TBPL2: variants seen among roughly 807,000 people sequenced by gnomAD.
The protein encoded by TBPL2 is TATA-box binding protein like 2, also known as TATA box-binding protein-like 2.
TBPL2 carries 40 observed loss-of-function variants against 38.2 expected under a neutral mutation model. The observed-to-expected ratio is 1.05, with a 90% CI of 0.81 to 1.36. TBPL2 has a LOEUF of 1.36. Among genes scored for constraint, TBPL2 ranks in the 40% most tolerant of loss-of-function variants. The pLI, the probability that TBPL2 is intolerant of heterozygous loss-of-function variation, is 0.00. For synonymous variants in TBPL2, 169 were observed against 171.7 expected (o/e 0.98, Z 0.12); for missense variants, 461 against 456.7 (o/e 1.01, Z -0.09).
chr14:55,420,830 C>T (rs563166040), intron 6 of TBPL2, among the ~76,000 whole-genome samples: 11 of 152,010 alleles, frequency 7.2e-5, no homozygotes, highest in Non-Finnish European at 1.0e-4. Flanking sequence ...GTGGCCGAGG[C>T]GGGTGGATCA....
chr14:55,422,592 C>T (rs1885761279), intron 6 of TBPL2, among the ~76,000 whole-genome samples: 1 of 152,152 alleles, frequency 6.6e-6, no homozygotes, highest in African/African-American at 2.4e-5. Context: ...TGGCTCACAC[C>T]TGTAGTCCCA....
intron 3 of TBPL2, 45 bp downstream of exon 3, chr14:55,435,802 T>C (rs746278043): frequency 7.7e-7 from 1 of 1,305,220 alleles, no homozygotes; most frequent in African/African-American, 1.5e-5. Flanking sequence ...GAAAAGTAAA[T>C]CTAAAGAGAA....
At chr14:55,435,980 T>A (rs1222082438) in intron 2 of TBPL2, 46 bp from the exon 3 acceptor site, 30 of 863,458 alleles carry the variant, frequency 3.5e-5, no homozygotes, top group South Asian at 7.6e-5. Context: ...ATATAAAGAG[T>A]AAAAAAAAAA....
exon 3 of TBPL2, chr14:55,435,851 G>A (rs1054687551): frequency 1.3e-6 from 2 of 1,557,146 alleles, no homozygotes; most frequent in Admixed American, 4.5e-5. Flanking sequence ...TGTTACCTTT[G>A]GGTTATATTC....
intron 1 of TBPL2, among the ~76,000 whole-genome samples, chr14:55,439,618 C>CCCCCCCCCCCCCCCT (rs1555344751): frequency 5.0e-5 from 3 of 60,236 alleles, no homozygotes; most frequent in African/African-American, 1.5e-4. Context: ...AAGCAAACCC[C>CCCCCCCCCCCCCCCT]CCCCCGTCTC....
At position 55,414,232 on chromosome 14, in the gene TBPL2, G is replaced by C. The variant is rs762740605; in HGVS notation, c.*147C>G. ...TCATTTTGAATAAGAATTTTTCTTC[G>C]TTTCTTAGGTTACTTACACAGAGTC... On this transcript the variant is annotated 3_prime_UTR_variant, in exon 7 of 7. Transcript: ENST00000247219. 3 of 615,794 alleles carry C rather than the reference G, an allele frequency of 4.9e-6. No individual in the cohort carries two copies. In the African/African-American group the frequency reaches 5.6e-5, roughly 11 times the overall value. 38.1% of individuals were successfully genotyped at this position (615,794 alleles called of 1,614,324 possible).
intron 6 of TBPL2, among the ~76,000 whole-genome samples, chr14:55,416,096 G>C (rs1230531453): frequency 6.6e-6 from 1 of 152,104 alleles, no homozygotes; most frequent in Non-Finnish European, 1.5e-5. Context: ...AGAGGGGAAT[G>C]GGGGGAATGG....
intron 4 of TBPL2, among the ~76,000 whole-genome samples, chr14:55,430,102 G>A (rs917470401): frequency 1.3e-5 from 2 of 152,114 alleles, no homozygotes; most frequent in African/African-American, 4.8e-5. Context: ...AGTCCTGAGA[G>A]GTGAGGCTTC....
intron 1 of TBPL2, among the ~76,000 whole-genome samples, chr14:55,439,617 C>CCCCGCCCCCG (rs1555344748): frequency 1.4e-5 from 1 of 72,628 alleles, no homozygotes; most frequent in African/African-American, 4.5e-5. Flanking sequence ...AAAGCAAACC[C>CCCCGCCCCCG]CCCCCCGTCT....
intron 6 of TBPL2, among the ~76,000 whole-genome samples, chr14:55,419,198 C>A (rs1199403313): frequency 6.6e-6 from 1 of 152,236 alleles, no homozygotes. Flanking sequence ...CCTGGCTCCT[C>A]ACATGCCTGT....
At chr14:55,418,276 C>G (rs1318215798) in intron 6 of TBPL2, among the ~76,000 whole-genome samples, 1 of 152,208 alleles carries the variant, frequency 6.6e-6, no homozygotes. Flanking sequence ...ACTTGGTAGG[C>G]ACCCAAAATT....
chr14:55,434,057 G>A (rs1885976595), intron 3 of TBPL2, among the ~76,000 whole-genome samples: 2 of 152,100 alleles, frequency 1.3e-5, no homozygotes, highest in Admixed American at 6.5e-5. Flanking sequence ...CACAGGAAGT[G>A]GTAAAGTTAA....
chr14:55,436,756 C>G (rs573813976), exon 2 of TBPL2: 9 of 1,614,206 alleles, frequency 5.6e-6, no homozygotes, highest in Non-Finnish European at 7.6e-6. Context: ...GTCCTGTTCG[C>G]TGGGTGATGG....
At chr14:55,440,546 T>G in exon 1 of TBPL2, 1 of 1,597,974 alleles carries the variant, frequency 6.3e-7, no homozygotes. Context: ...CAGAGGCCAT[T>G]TATGAGCCTG....
intron 2 of TBPL2, 97 bp downstream of exon 2, chr14:55,436,464 C>A (rs568850944): frequency 2.8e-6 from 3 of 1,065,264 alleles, no homozygotes; most frequent in East Asian, 2.4e-5. Flanking sequence ...ATCTGAAATT[C>A]TCTTCCCTAC....
At chr14:55,438,969 A>C (rs1594795448) in intron 1 of TBPL2, 1 of 139,178 alleles carries the variant, frequency 7.2e-6, no homozygotes, top group Non-Finnish European at 1.5e-5. Context: ...ACGGAGTCTC[A>C]CTCTGTCGCC....
chr14:55,424,366 C>A, intron 5 of TBPL2, 113 bp from the exon 6 acceptor site: 1 of 630,090 alleles, frequency 1.6e-6, no homozygotes. Context: ...AATAAGTTAG[C>A]TATTTTATCA....
chr14:55,424,992 A>G (rs993240470), intron 5 of TBPL2, among the ~76,000 whole-genome samples: 22 of 152,306 alleles, frequency 1.4e-4, no homozygotes, highest in African/African-American at 4.8e-4. Context: ...TGGCTAATGG[A>G]CAAGAAATAT....
intron 1 of TBPL2, among the ~76,000 whole-genome samples, chr14:55,439,740 C>A (rs1886078655): frequency 6.6e-6 from 1 of 151,688 alleles, no homozygotes; most frequent in Non-Finnish European, 1.5e-5. Flanking sequence ...ACCATCCTGG[C>A]TAACACGGTG....
Sources: allele counts gnomAD v4.1 joint callset (sites outside exome capture counted in the v4.1 genomes callset), GRCh38; gene constraint gnomAD v4.1.1; transcripts MANE v1.5; gene names NCBI Gene and HGNC (gene_info 2026-07-23, HGNC 2026-07-21).